Variants in LRMDA observed in about 807,000 individuals in gnomAD.
LRMDA encodes leucine-rich melanocyte differentiation-associated protein.
Under a neutral mutation model 29.8 loss-of-function variants are expected in LRMDA, and 18 were observed. That is an observed-to-expected ratio of 0.60 (90% confidence interval 0.42 to 0.90). The LOEUF is 0.90. Among genes scored for constraint, LRMDA ranks in the 40% least tolerant of loss-of-function variants. The pLI, the probability that LRMDA is intolerant of heterozygous loss-of-function variation, is 0.00. For synonymous variants in LRMDA, 125 were observed against 109.4 expected, an observed-to-expected ratio of 1.14 and a Z score of -0.89; for missense variants, 273 against 273.9, an observed-to-expected ratio of 1.00 and a Z score of 0.02.
intron 2 of LRMDA, among the ~76,000 whole-genome samples, chr10:75,678,417 C>T (rs1353727565): frequency 6.6e-6 from 1 of 152,194 alleles, no homozygotes; most frequent in African/African-American, 2.4e-5. Context: ...ATAAAGACTT[C>T]ATGTCCCTTA....
chr10:75,906,352 G>A (rs896520047), intron 2 of LRMDA, among the ~76,000 whole-genome samples: 5 of 152,076 alleles, frequency 3.3e-5, no homozygotes, highest in African/African-American at 1.2e-4. Flanking sequence ...TTTAAAACCA[G>A]CACCATTATC....
In LRMDA at chr10:76,441,445, A is replaced by G. The variant is rs549564629; in HGVS notation, c.602-115764A>G. 6.3e-4 allele frequency among the ~76,000 whole-genome samples: 96 copies of G among 152,300 alleles called. 1 individual carries two copies. The highest frequency in any genetic ancestry group is 3.4e-3 in the Middle Eastern group (1 of 294). On this transcript the variant is annotated intron_variant, in intron 6 of 6. Transcript: ENST00000611255. ...TGTCATCTGTAAAATGGGGATACTG[A>G]TAGTATCTAACCCATAGGAATGTTG... is the stretch of plus-strand genomic sequence containing the variant.
chr10:75,614,606 C>T (rs1263451808), intron 2 of LRMDA, among the ~76,000 whole-genome samples: 2 of 152,130 alleles, frequency 1.3e-5, no homozygotes, highest in Admixed American at 6.6e-5. Context: ...ACTTCCTTTC[C>T]TCTTCCTAGA....
intron 5 of LRMDA, among the ~76,000 whole-genome samples, chr10:76,218,956 C>T (rs1484792216): frequency 2.0e-5 from 3 of 152,178 alleles, no homozygotes; most frequent in South Asian, 4.1e-4. Flanking sequence ...TATGCAGCTC[C>T]TGGGCCCAAA....
At chr10:75,457,678 C>T (rs984140225) in intron 2 of LRMDA, among the ~76,000 whole-genome samples, 3 of 152,234 alleles carry the variant, frequency 2.0e-5, no homozygotes, top group African/African-American at 7.2e-5. Context: ...TATGGACCAC[C>T]AGTTTTTGGT....
intron 2 of LRMDA, among the ~76,000 whole-genome samples, chr10:75,836,355 G>A (rs189727960): frequency 7.0e-4 from 107 of 152,286 alleles, no homozygotes; most frequent in African/African-American, 2.5e-3. Context: ...TGAAGAAGAG[G>A]CCTCAAAGAA....
intron 2 of LRMDA, among the ~76,000 whole-genome samples, chr10:76,022,913 C>T (rs138774734): frequency 6.6e-6 from 1 of 152,242 alleles, no homozygotes; most frequent in Admixed American, 6.5e-5. Flanking sequence ...CACCTATAAA[C>T]TTTTTGATGA....
At chr10:76,167,695 C>T (rs1404476787) in intron 5 of LRMDA, among the ~76,000 whole-genome samples, 3 of 152,258 alleles carry the variant, frequency 2.0e-5, no homozygotes, top group African/African-American at 7.2e-5. Flanking sequence ...ATGATGCCTC[C>T]AGCTTTGTTC....
intron 6 of LRMDA, among the ~76,000 whole-genome samples, chr10:76,357,196 T>C (rs4586092): frequency 0.3 from 45,953 of 152,088 alleles, 8,945 homozygotes; most frequent in Non-Finnish European, 0.44. Flanking sequence ...GCTTGGACTT[T>C]GCAGTTGTAA....
At chr10:75,723,687 A>C (rs1211644277) in intron 2 of LRMDA, among the ~76,000 whole-genome samples, 1 of 152,244 alleles carries the variant, frequency 6.6e-6, no homozygotes, top group Non-Finnish European at 1.5e-5. Context: ...GACTCTTAAC[A>C]GAAGTGGCAA....
chr10:76,546,288 G>A (rs1843420256), intron 6 of LRMDA, among the ~76,000 whole-genome samples: 1 of 152,188 alleles, frequency 6.6e-6, no homozygotes, highest in African/African-American at 2.4e-5. Context: ...CTTGAGAAAT[G>A]TTCAATCTGC....
At chr10:75,490,101 T>C (rs991497076) in intron 2 of LRMDA, among the ~76,000 whole-genome samples, 1 of 152,186 alleles carries the variant, frequency 6.6e-6, no homozygotes, top group African/African-American at 2.4e-5. Flanking sequence ...GCACTGTTTA[T>C]TATCTTTCCT....
chr10:76,363,034 C>A (rs1473595822), intron 6 of LRMDA, among the ~76,000 whole-genome samples: 1 of 150,286 alleles, frequency 6.7e-6, no homozygotes, highest in Admixed American at 6.7e-5. Context: ...AATACTCAAT[C>A]ATTTTTGTTA....
intron 5 of LRMDA, among the ~76,000 whole-genome samples, chr10:76,227,582 A>T (rs1023412992): frequency 1.3e-5 from 2 of 152,150 alleles, no homozygotes; most frequent in Non-Finnish European, 2.9e-5. Flanking sequence ...TTGTTTCTCA[A>T]GATTCTTTTA....
intron 2 of LRMDA, among the ~76,000 whole-genome samples, chr10:75,583,816 A>C (rs1299969861): frequency 6.6e-6 from 1 of 152,034 alleles, no homozygotes; most frequent in Non-Finnish European, 1.5e-5. Flanking sequence ...CCACCTAAAC[A>C]GTTCTTGAAT....
chr10:75,465,742 A>G (rs1844642327), intron 2 of LRMDA, among the ~76,000 whole-genome samples: 1 of 152,060 alleles, frequency 6.6e-6, no homozygotes, highest in South Asian at 2.1e-4. Flanking sequence ...CCTTCCCCCA[A>G]TCTGGCATAT....
chr10:75,738,680 C>T (rs1281386001), intron 2 of LRMDA, among the ~76,000 whole-genome samples: 2 of 152,160 alleles, frequency 1.3e-5, no homozygotes, highest in Non-Finnish European at 2.9e-5. Context: ...AGTTCCATGA[C>T]TCGAGGCAAG....
chr10:75,739,883 G>A (rs183269229), intron 2 of LRMDA, among the ~76,000 whole-genome samples: 1 of 152,268 alleles, frequency 6.6e-6, no homozygotes, highest in Non-Finnish European at 1.5e-5. Flanking sequence ...CACACACAAT[G>A]CAATATGCGA....
At chr10:76,530,285 T>A (rs1437816096) in intron 6 of LRMDA, among the ~76,000 whole-genome samples, 2 of 152,160 alleles carry the variant, frequency 1.3e-5, no homozygotes, top group East Asian at 3.9e-4. Context: ...TGTGATAGAT[T>A]TATGCACTGA....
Sources: allele counts gnomAD v4.1 joint callset (sites outside exome capture counted in the v4.1 genomes callset), GRCh38; gene constraint gnomAD v4.1.1; transcripts MANE v1.5; gene names NCBI Gene and HGNC (gene_info 2026-07-23, HGNC 2026-07-21).